Variants in CCAR1 observed in about 807,000 individuals in gnomAD.
CCAR1 encodes the protein cell division cycle and apoptosis regulator 1.
Under a neutral mutation model 163.8 loss-of-function variants are expected in CCAR1, and 78 were observed. The ratio of observed to expected loss-of-function variants is 0.48; its 90% CI spans 0.40 to 0.57. The LOEUF is 0.57. Ranked by LOEUF, CCAR1 falls within the 20% of genes least tolerant of loss-of-function variation. The pLI is 0.00. For synonymous variants in CCAR1, 443 were observed against 460.7 expected, an observed-to-expected ratio of 0.96 and a Z score of 0.49; for missense variants, 1,019 against 1,365.2, an observed-to-expected ratio of 0.75 and a Z score of 4.00.
chr10:68,748,853 C>A (rs559311569), intron 8 of CCAR1, among the ~76,000 whole-genome samples: 1 of 151,920 alleles, frequency 6.6e-6, no homozygotes, highest in East Asian at 1.9e-4. Flanking sequence ...ATTTTTGCAC[C>A]TTTTTTTAGA....
chr10:68,736,901 A>G lies in CCAR1; in HGVS notation c.99A>G (p.Ser33=). Residue 33 remains serine (S), a synonymous_variant, in exon 3 of 25, where the codon TCA becomes TCG. Coordinates refer to ENST00000265872, the MANE Select transcript of CCAR1 (RefSeq NM_018237.4). ...CTGCACTGGGTGTTCAACAGCCATCACTCCTTGGAGCATCTCCTACCATTT... is the reference window on the plus strand; with the variant it reads ...CTGCACTGGGTGTTCAACAGCCATCGCTCCTTGGAGCATCTCCTACCATTT... ...QPAALGVQQP[S]LLGASPTIYT... is the part of the protein sequence containing the mutation. 6.2e-7 allele frequency: 1 copy of G among 1,611,570 alleles called. No homozygotes were observed. The highest frequency in any genetic ancestry group is 8.5e-7 in the Non-Finnish European group (1 of 1,179,052).
At chr10:68,772,907 T>C in intron 18 of CCAR1, 81 bp from the exon 19 acceptor site, 2 of 660,940 alleles carry the variant, frequency 3.0e-6, no homozygotes, top group Non-Finnish European at 4.9e-6. Flanking sequence ...GCCCACGGGT[T>C]GGAGACCAGC....
At chr10:68,732,336 TTTTG>T (rs57833784) in intron 2 of CCAR1, among the ~76,000 whole-genome samples, 2,223 of 151,634 alleles carry the variant, frequency 0.015, 31 homozygotes, top group African/African-American at 0.035. Context: ...ACCAGAACAG[TTTTG>T]TTTGTTTGTT....
intron 6 of CCAR1, among the ~76,000 whole-genome samples, chr10:68,746,098 A>G (rs1257971951): frequency 1.4e-5 from 2 of 147,356 alleles, no homozygotes; most frequent in African/African-American, 5.0e-5. Flanking sequence ...TCAGCCTCTC[A>G]AGTAGCTGGG....
At chr10:68,760,067 A>G (rs1589173655) in intron 15 of CCAR1, among the ~76,000 whole-genome samples, 1 of 152,112 alleles carries the variant, frequency 6.6e-6, no homozygotes, top group African/African-American at 2.4e-5. Context: ...CCTGGCCTCA[A>G]GCGATCCTTC....
chr10:68,734,890 C>T (rs1264235446), intron 2 of CCAR1, among the ~76,000 whole-genome samples: 3 of 152,130 alleles, frequency 2.0e-5, no homozygotes, highest in Non-Finnish European at 4.4e-5. Context: ...ATCATATTCT[C>T]CTCAGTGTGT....
chr10:68,755,557 T>C, intron 13 of CCAR1, 21 bp downstream of exon 13: 1 of 1,590,328 alleles, frequency 6.3e-7, no homozygotes, highest in Non-Finnish European at 8.6e-7. Context: ...ATTCATTTCT[T>C]GATTAGAAGT....
At chr10:68,785,448 C>T (rs1055444499) in intron 19 of CCAR1, among the ~76,000 whole-genome samples, 9 of 150,002 alleles carry the variant, frequency 6.0e-5, no homozygotes, top group East Asian at 6.0e-4. Context: ...TTTAAAACTC[C>T]GGAGCTCAAG....
At position 68,756,423 on chromosome 10, in the gene CCAR1, A is replaced by T. The variant is rs765560722; in HGVS notation, c.1776A>T (p.Gly592=). ...TRSEWETLSR[G]YKQQLVEKLQ... ...CAGAGTGGGAAACCCTCTCCCGAGG[A>T]TACAAGCAGCAGCTGGTCGAGAAGC... Residue 592 remains glycine, a synonymous_variant, in exon 14 of 25, where the codon GGA becomes GGT. Coordinates refer to ENST00000265872, the MANE Select transcript of CCAR1 (RefSeq NM_018237.4). The surrounding 1 kb of genome is among the most constrained non-coding windows in gnomAD (Gnocchi z 5.1). 1 of 1,613,930 alleles carries T rather than the reference A, an allele frequency of 6.2e-7. No homozygotes were observed. Among genetic ancestry groups the T allele is most frequent in the Non-Finnish European group, 8.5e-7 (1 of 1,179,986 alleles).
intron 2 of CCAR1, among the ~76,000 whole-genome samples, chr10:68,727,237 A>C (rs1409759946): frequency 6.6e-6 from 1 of 151,424 alleles, no homozygotes; most frequent in Non-Finnish European, 1.5e-5. Context: ...CTCCCGGCTA[A>C]TTTTGTGGGT....
chr10:68,750,054 C>A (rs1184691292), intron 10 of CCAR1, among the ~76,000 whole-genome samples: 1 of 151,872 alleles, frequency 6.6e-6, no homozygotes, highest in Non-Finnish European at 1.5e-5. Context: ...CAAGTTTAGC[C>A]CTGGCAGTGT....
At chr10:68,741,864 A>G (rs549925364) in intron 5 of CCAR1, among the ~76,000 whole-genome samples, 1 of 152,336 alleles carries the variant, frequency 6.6e-6, no homozygotes, top group Admixed American at 6.5e-5. Flanking sequence ...TTTTAAAAAT[A>G]TACTTGAATT....
At chr10:68,755,096 T>C in intron 12 of CCAR1, 1 of 665,644 alleles carries the variant, frequency 1.5e-6, no homozygotes, top group Non-Finnish European at 2.7e-6. Context: ...TCAGAGTGTC[T>C]TTGGATGTTG....
chr10:68,737,425 A>C (rs907633683), intron 3 of CCAR1, among the ~76,000 whole-genome samples: 1 of 149,338 alleles, frequency 6.7e-6, no homozygotes, highest in Non-Finnish European at 1.5e-5. Context: ...TTGCTTGAGC[A>C]TTGGGAGGTT....
chr10:68,723,496 C>T (rs2055891444), intron 2 of CCAR1, among the ~76,000 whole-genome samples: 1 of 151,938 alleles, frequency 6.6e-6, no homozygotes, highest in South Asian at 2.1e-4. Flanking sequence ...TTTAGCTACT[C>T]ATTCATTACA....
intron 10 of CCAR1, among the ~76,000 whole-genome samples, chr10:68,750,061 G>T (rs2056310908): frequency 6.6e-6 from 1 of 152,150 alleles, no homozygotes; most frequent in Admixed American, 6.5e-5. Flanking sequence ...AGCCCTGGCA[G>T]TGTAGTATAA....
intron 2 of CCAR1, among the ~76,000 whole-genome samples, chr10:68,735,975 C>G (rs185919422): frequency 3.9e-5 from 6 of 152,198 alleles, no homozygotes; most frequent in Admixed American, 2.6e-4. Context: ...GCCTCAGCCT[C>G]CTGAGTTGCT....
At chr10:68,726,133 AGAAAT>A (rs2055941888) in intron 2 of CCAR1, among the ~76,000 whole-genome samples, 1 of 143,794 alleles carries the variant, frequency 7.0e-6, no homozygotes, top group Non-Finnish European at 1.5e-5. Flanking sequence ...AAAAAAAAAA[AGAAAT>A]GGGTACTTCA....
intron 6 of CCAR1, among the ~76,000 whole-genome samples, chr10:68,744,087 G>A (rs2056221094): frequency 2.6e-5 from 4 of 152,012 alleles, no homozygotes; most frequent in Admixed American, 2.6e-4. Flanking sequence ...GTTTCACCAT[G>A]TTGGCCAGGC....
Sources: allele counts gnomAD v4.1 joint callset (sites outside exome capture counted in the v4.1 genomes callset), GRCh38; gene constraint gnomAD v4.1.1; non-coding constraint Gnocchi (gnomAD v3.1); transcripts MANE v1.5; gene names NCBI Gene and HGNC (gene_info 2026-07-23, HGNC 2026-07-21).